SHANK2: variants seen among roughly 807,000 people sequenced by gnomAD.
The protein encoded by SHANK2 is SH3 and multiple ankyrin repeat domains protein 2.
In SHANK2, 43 loss-of-function variants were observed where a neutral mutation model predicts 133.7. The observed-to-expected ratio is 0.32, with a 90% CI of 0.25 to 0.41. The LOEUF is 0.41. SHANK2 is among the 10% of genes least tolerant of loss of function. The pLI is 1.00. For synonymous variants in SHANK2, 1,017 were observed against 952.8 expected, an observed-to-expected ratio of 1.07 and a Z score of -1.24; for missense variants, 1,994 against 2,235.8, an observed-to-expected ratio of 0.89 and a Z score of 2.18.
intron 17 of SHANK2, chr11:70,571,430 G>A (rs1159443565): frequency 6.6e-6 from 1 of 152,226 alleles, no homozygotes; most frequent in Non-Finnish European, 1.5e-5. Context: ...GGGCATGGCA[G>A]CAGGTCCTGG....
chr11:71,248,653 G>A (rs1217451566), intron 1 of SHANK2, among the ~76,000 whole-genome samples: 1 of 152,160 alleles, frequency 6.6e-6, no homozygotes, highest in South Asian at 2.1e-4. Flanking sequence ...CACTACCTGC[G>A]CTGCAGCTCC....
intron 11 of SHANK2, among the ~76,000 whole-genome samples, chr11:70,871,758 G>C (rs1949469365): frequency 6.6e-6 from 1 of 152,176 alleles, no homozygotes; most frequent in African/African-American, 2.4e-5. Context: ...CCACATGGGG[G>C]CTGGGAGGGG....
intron 15 of SHANK2, among the ~76,000 whole-genome samples, chr11:70,689,273 G>A (rs1468539169): frequency 6.6e-6 from 1 of 152,136 alleles, no homozygotes; most frequent in Non-Finnish European, 1.5e-5. Flanking sequence ...GAGCAAGAAG[G>A]CAAAGAAAAA....
chr11:71,169,219 T>C (rs1205008297), intron 2 of SHANK2, among the ~76,000 whole-genome samples: 1 of 152,172 alleles, frequency 6.6e-6, no homozygotes, highest in African/African-American at 2.4e-5. Context: ...TTGAAGTTAA[T>C]TGACAGCTTC....
chr11:70,472,464 GC>G lies in SHANK2; in HGVS notation c.*404del. The G allele has an allele frequency of 3.6e-6, 1 of 276,804 alleles. No individual in the cohort carries two copies. Among genetic ancestry groups the G allele is most frequent in the Non-Finnish European group, 7.0e-6 (1 of 143,252 alleles). The allele number at this position is 276,804 out of a possible 1,614,324, so 17.1% of individuals were successfully genotyped here. On this transcript the variant is annotated 3_prime_UTR_variant, in exon 26 of 26. Coordinates refer to ENST00000601538, the MANE Select transcript of SHANK2 (RefSeq NM_012309.5). The surrounding 1 kb of genome is among the most constrained non-coding windows in gnomAD (Gnocchi z 4.4). ...GCCGGGGCCTGGGGTGGTGAGAGCT[GC>G]CCGGAAAGCAGAGGACGGAGGTCTC...
intron 8 of SHANK2, among the ~76,000 whole-genome samples, chr11:71,090,263 CTGTGTGTGTGTG>C (rs1165771011): frequency 1.1e-4 from 4 of 36,790 alleles, no homozygotes; most frequent in Non-Finnish European, 1.5e-4. Context: ...AACACAACCT[CTGTGTGTGTGTG>C]TGTGTGTGTG....
chr11:70,691,831 T>A (rs1369462313), intron 15 of SHANK2, among the ~76,000 whole-genome samples: 1 of 151,948 alleles, frequency 6.6e-6, no homozygotes, highest in Non-Finnish European at 1.5e-5. Context: ...GAGGCAGAGG[T>A]CACAGTAAGC....
chr11:70,846,463 C>A (rs975827147), intron 11 of SHANK2, among the ~76,000 whole-genome samples: 3 of 151,888 alleles, frequency 2.0e-5, no homozygotes, highest in African/African-American at 7.3e-5. Context: ...AGAGATGGGG[C>A]CTTGCTATGT....
chr11:70,675,865 C>T (rs146065138), intron 15 of SHANK2, among the ~76,000 whole-genome samples: 1 of 152,334 alleles, frequency 6.6e-6, no homozygotes, highest in African/African-American at 2.4e-5. Flanking sequence ...AAAATGGGTG[C>T]AGGAACATCT....
chr11:70,939,370 C>T (rs981139808), intron 10 of SHANK2, among the ~76,000 whole-genome samples: 7 of 152,030 alleles, frequency 4.6e-5, no homozygotes, highest in African/African-American at 1.5e-4. Context: ...CCCAGCTACT[C>T]GGGAGGCTGA....
chr11:70,485,892 A>G lies in SHANK2; in HGVS notation c.4401T>C (p.Ser1467=). Residue 1467 remains serine (S), a synonymous_variant, in exon 25 of 26, where the codon AGT becomes AGC. Transcript: ENST00000601538. This position sits in a 1 kb window ranked among gnomAD's most constrained non-coding sequence, Gnocchi z 5.8. ...TNSADSKKPA[S]LSNCLPASFL... is the part of the protein sequence containing the mutation. ...ATGAGGCAGGCAGACAGTTTGAAAG[A>G]CTGGCTGGCTTCTTGCTGTCTGCAG... is the stretch of plus-strand genomic sequence containing the variant. The G allele has an allele frequency of 6.2e-7, 1 of 1,614,058 alleles. No homozygotes were observed. The highest frequency in any genetic ancestry group is 1.1e-5 in the South Asian group (1 of 91,062).
chr11:70,492,505 G>C (rs782373037), intron 21 of SHANK2, 40 bp from the exon 22 acceptor site: 7 of 1,612,598 alleles, frequency 4.3e-6, no homozygotes, highest in African/African-American at 4.0e-5. Context: ...CAACACCAGT[G>C]GGGGAAGCTG....
In SHANK2 at chr11:70,798,596, C is replaced by T. The variant is rs563213680; in HGVS notation, c.1664-40G>A. 9.5e-5 allele frequency: 68 copies of T among 716,678 alleles called. No individual in the cohort carries two copies. In the Admixed American group the frequency reaches 1.2e-3, roughly 13 times the overall value. The allele number at this position is 716,678 out of a possible 1,614,324, so 44.4% of individuals were successfully genotyped here. A position where few individuals can be genotyped will look rare whatever the true frequency, so the allele number is the denominator to read the frequency against. Reference sequence around the variant, plus strand: ...AAGGGAGAGGTGTTAGCAGGGGGGACGTGGAGGGCCTGAGGTTGAACAAGA... The same window carrying T: ...AAGGGAGAGGTGTTAGCAGGGGGGATGTGGAGGGCCTGAGGTTGAACAAGA... On this transcript the variant is annotated intron_variant, in intron 13 of 25. Transcript: ENST00000601538.
At chr11:70,577,451 T>C (rs35410275) in intron 17 of SHANK2, among the ~76,000 whole-genome samples, 14,936 of 152,248 alleles carry the variant, frequency 0.098, 1,034 homozygotes, top group Non-Finnish European at 0.14. Flanking sequence ...TGAGCCTCAA[T>C]TCCACTGCAA....
intron 14 of SHANK2, among the ~76,000 whole-genome samples, chr11:70,796,944 C>A (rs1422324980): frequency 6.6e-6 from 1 of 152,210 alleles, no homozygotes; most frequent in African/African-American, 2.4e-5. Flanking sequence ...CAGAAAGAAA[C>A]CGTAAAAGGA....
intron 11 of SHANK2, among the ~76,000 whole-genome samples, chr11:70,848,843 G>C (rs1011440541): frequency 6.6e-6 from 1 of 152,112 alleles, no homozygotes; most frequent in Non-Finnish European, 1.5e-5. Context: ...TCCTTTCCCC[G>C]AGCAAGCAAG....
chr11:70,489,584 G>A, intron 23 of SHANK2: 1 of 570,754 alleles, frequency 1.8e-6, no homozygotes, highest in Non-Finnish European at 3.1e-6. Flanking sequence ...GGGGTGGGCT[G>A]GGCAGACCAG....
At chr11:70,483,053 C>T (rs1333321661) in intron 25 of SHANK2, among the ~76,000 whole-genome samples, 1 of 152,164 alleles carries the variant, frequency 6.6e-6, no homozygotes, top group African/African-American at 2.4e-5. Flanking sequence ...GTGCAGGATG[C>T]CCTGCTGACC....
intron 11 of SHANK2, among the ~76,000 whole-genome samples, chr11:70,874,597 A>G (rs782136635): frequency 6.6e-6 from 1 of 151,294 alleles, no homozygotes; most frequent in Admixed American, 6.6e-5. Context: ...GAAAGAATGA[A>G]TGTCAATTTT....
Sources: gnomAD v4.1 joint callset for allele counts (sites outside exome capture counted in the v4.1 genomes callset) on GRCh38, gnomAD v4.1.1 for gene constraint, Gnocchi (gnomAD v3.1) non-coding constraint, MANE v1.5 for transcripts, NCBI Gene and HGNC (gene_info 2026-07-23, HGNC 2026-07-21) for gene names.